KLRB1: variants seen among roughly 807,000 people sequenced by gnomAD.
KLRB1 encodes killer cell lectin-like receptor subfamily B member 1.
In KLRB1, 27 loss-of-function variants were observed where a neutral mutation model predicts 33.5. The ratio of observed to expected loss-of-function variants is 0.81; its 90% CI spans 0.59 to 1.11. The LOEUF is 1.11. Ranked by LOEUF, KLRB1 falls within the 50% of genes most tolerant of loss-of-function variation. The pLI, the probability that KLRB1 is intolerant of heterozygous loss-of-function variation, is 0.00. For synonymous variants in KLRB1, 64 were observed against 88.9 expected (o/e 0.72, Z 1.58); for missense variants, 241 against 254.1 (o/e 0.95, Z 0.35).
intron 1 of KLRB1, among the ~76,000 whole-genome samples, chr12:9,607,335 C>CCTTTCTTTCTTTCTTTCTTTCTTCCTTT (rs1258225429): frequency 1.5e-5 from 1 of 65,170 alleles, no homozygotes; most frequent in South Asian, 8.5e-4. Context: ...CTCTTTCTTT[C>CCTTTCTTTCTTTCTTTCTTTCTTCCTTT]CTTTCTTTCT....
At chr12:9,600,833 T>G (rs1046169949) in intron 2 of KLRB1, among the ~76,000 whole-genome samples, 24 of 151,410 alleles carry the variant, frequency 1.6e-4, no homozygotes, top group Non-Finnish European at 2.4e-4. Flanking sequence ...TAGTCTGAAA[T>G]ATGGCCTCGT....
Position 9,598,660 on chromosome 12 carries a change from T to TA in KLRB1, c.260-8dup. ...TTTAAGAGACCCGGTCTCTCTAAAGTAAAAAACAGAAATAAGAAATAAATG... is the reference window on the plus strand; with the variant it reads ...TTTAAGAGACCCGGTCTCTCTAAAGTAAAAAAACAGAAATAAGAAATAAATG... On this transcript the variant is annotated splice_polypyrimidine_tract_variant and splice_region_variant and intron_variant, in intron 3 of 5. Transcript: ENST00000229402. 3.1e-6 allele frequency: 5 copies of TA among 1,596,902 alleles called. No homozygotes were observed. The highest frequency in any genetic ancestry group is 4.3e-6 in the Non-Finnish European group (5 of 1,170,934).
At chr12:9,606,758 A>T (rs1420030896) in intron 1 of KLRB1, among the ~76,000 whole-genome samples, 22,778 of 65,512 alleles carry the variant, frequency 0.35, 4,241 homozygotes, top group Middle Eastern at 0.46. Context: ...ATATATATAT[A>T]TATTTTTTTT....
intron 1 of KLRB1, among the ~76,000 whole-genome samples, chr12:9,603,298 T>G (rs1378891768): frequency 3.3e-5 from 5 of 152,212 alleles, no homozygotes; most frequent in East Asian, 1.9e-4. Context: ...CTTCCAGTTT[T>G]ATATATGTAC....
rs748982693 is a variant in KLRB1, at chr12:9,595,312, G to A, written c.640C>T (p.Leu214=). The change falls in exon 6 of 6, where the codon CTA becomes TTA. Residue 214 remains leucine (L), a synonymous_variant. Transcript: ENST00000229402. ...TEIRWICQKE[L]TPVRNKVYPD... ...TACACTTTATTTCTCACAGGTGTTA[G>A]TTCTTTTTGGCAGATCCATCTGATT... is the stretch of plus-strand genomic sequence containing the variant. The A allele has an allele frequency of 3.7e-6, 6 of 1,613,420 alleles. No homozygotes were observed. The highest frequency in any genetic ancestry group is 1.7e-5 in the Admixed American group (1 of 59,992).
At chr12:9,601,742 G>A (rs192621560) in intron 1 of KLRB1, 143 bp from the exon 2 acceptor site, 2 of 617,172 alleles carry the variant, frequency 3.2e-6, no homozygotes, top group South Asian at 1.8e-5. Flanking sequence ...GATGGGGGCA[G>A]GGAACAACCT....
chr12:9,595,507 G>C (rs1864484467), intron 5 of KLRB1, 86 bp from the exon 6 acceptor site: 1 of 1,233,142 alleles, frequency 8.1e-7, no homozygotes, highest in Non-Finnish European at 1.2e-6. Flanking sequence ...AGGACTCTCA[G>C]GAAGCAGTAG....
intron 5 of KLRB1, among the ~76,000 whole-genome samples, chr12:9,596,878 A>T (rs750805934): frequency 4.6e-5 from 7 of 152,198 alleles, no homozygotes; most frequent in Non-Finnish European, 8.8e-5. Context: ...TTTATTTGTA[A>T]ATAAAATATT....
intron 2 of KLRB1, among the ~76,000 whole-genome samples, chr12:9,600,146 T>A (rs1032504383): frequency 2.0e-5 from 3 of 152,210 alleles, no homozygotes; most frequent in African/African-American, 7.2e-5. Flanking sequence ...ACCTGAACTT[T>A]ATCATCTTCA....
At chr12:9,607,332 T>TTTCCTTCCTTCCTTCCTTCC (rs200381621) in intron 1 of KLRB1, among the ~76,000 whole-genome samples, 1,023 of 58,178 alleles carry the variant, frequency 0.018, 52 homozygotes, top group Non-Finnish European at 0.03. Flanking sequence ...TTTCTCTTTC[T>TTTCCTTCCTTCCTTCCTTCC]TTCCTTTCTT....
In KLRB1 at chr12:9,594,922, GGA is replaced by G. The variant is rs374504186; in HGVS notation, c.*350_*351del. Reference sequence around the variant, plus strand: ...GAATCTTCACGGCTTGCCGCGTGCGGGAAGAGACAGGTCAGCTCTCCCTTTCT... The same window carrying G: ...GAATCTTCACGGCTTGCCGCGTGCGGAGAGACAGGTCAGCTCTCCCTTTCT... On this transcript the variant is annotated 3_prime_UTR_variant, in exon 6 of 6. Coordinates refer to ENST00000229402, the MANE Select transcript of KLRB1 (RefSeq NM_002258.3). The G allele has an allele frequency of 0.39, 70,141 of 182,046 alleles. 14,938 individuals are homozygous for G. Among genetic ancestry groups the G allele is most frequent in the South Asian group, 0.54 (3,712 of 6,880 alleles). 11.3% of individuals were successfully genotyped at this position (182,046 alleles called of 1,614,324 possible).
chr12:9,606,628 T>G (rs1169593109), intron 1 of KLRB1, among the ~76,000 whole-genome samples: 1 of 144,740 alleles, frequency 6.9e-6, no homozygotes, highest in African/African-American at 2.5e-5. Context: ...GTGAAGTATG[T>G]TACTCATTAA....
At chr12:9,606,739 T>C (rs1864607025) in intron 1 of KLRB1, among the ~76,000 whole-genome samples, 1 of 12,980 alleles carries the variant, frequency 7.7e-5, no homozygotes, top group East Asian at 1.9e-3. Flanking sequence ...AAAAAGTATA[T>C]ATATATATAT....
In KLRB1 at chr12:9,599,386, G is replaced by A. The variant is rs777811254; in HGVS notation, c.259+381C>T. Among the ~76,000 whole-genome samples, 24 of 152,242 alleles carry A rather than the reference G, an allele frequency of 1.6e-4. No homozygotes were observed. The South Asian group carries it at 3.1e-3, about 20-fold the overall frequency. ...GTGAGGAAATATAATAAATAGTAAA[G>A]AATTCATTCTATGTTTAAGTTCTAT... is the stretch of plus-strand genomic sequence containing the variant. On this transcript the variant is annotated intron_variant, in intron 3 of 5. Transcript: ENST00000229402.
intron 1 of KLRB1, among the ~76,000 whole-genome samples, chr12:9,604,007 T>G (rs1034393928): frequency 6.6e-6 from 1 of 150,774 alleles, no homozygotes; most frequent in Non-Finnish European, 1.5e-5. Context: ...AGTTCTTTTT[T>G]TCTAAAAGTT....
At chr12:9,607,380 C>CTTTCTTTCTT (rs1864629216) in intron 1 of KLRB1, among the ~76,000 whole-genome samples, 2 of 84,558 alleles carry the variant, frequency 2.4e-5, no homozygotes, top group Admixed American at 1.3e-4. Context: ...TTCTTTCTTT[C>CTTTCTTTCTT]TTTCTTTCTT....
At position 9,606,442 on chromosome 12, in the gene KLRB1, C is replaced by G. The variant is rs911500532; in HGVS notation, c.85+1313G>C. 1.3e-4 allele frequency: 19 copies of G among 151,976 alleles called. No homozygotes were observed. In the East Asian group the frequency reaches 3.5e-3, roughly 28 times the overall value. The allele number at this position is 151,976 out of a possible 1,614,324, so 9.4% of individuals were successfully genotyped here. A position where few individuals can be genotyped will look rare whatever the true frequency, so the allele number is the denominator to read the frequency against. ...ACTCTTCAGAGACACAGGAAAGTGC[C>G]AGTTTCAACAAATGGTAAGTAGGTT... is the stretch of plus-strand genomic sequence containing the variant. On this transcript the variant is annotated intron_variant, in intron 1 of 5. Coordinates refer to ENST00000229402, the MANE Select transcript of KLRB1 (RefSeq NM_002258.3).
chr12:9,607,351 T>TTC (rs1565444604), intron 1 of KLRB1, among the ~76,000 whole-genome samples: 12 of 81,986 alleles, frequency 1.5e-4, no homozygotes, highest in Non-Finnish European at 2.6e-4. Context: ...TTTCTTTCTT[T>TTC]CTTCCTTTCT....
At chr12:9,601,786 A>G (rs1591657016) in intron 1 of KLRB1, among the ~76,000 whole-genome samples, 187 bp from the exon 2 acceptor site, 1 of 152,196 alleles carries the variant, frequency 6.6e-6, no homozygotes, top group Admixed American at 6.5e-5. Flanking sequence ...GTCCTGCAAG[A>G]TGGGTTCTCA....
Sources: gnomAD v4.1 joint callset for allele counts (sites outside exome capture counted in the v4.1 genomes callset) on GRCh38, gnomAD v4.1.1 for gene constraint, MANE v1.5 for transcripts, NCBI Gene and HGNC (gene_info 2026-07-23, HGNC 2026-07-21) for gene names.